The following ASIC2 variants were observed in gnomAD, a reference collection of about 807,000 sequenced individuals.
ASIC2 encodes acid sensing ion channel subunit 2, also known as acid-sensing ion channel 2.
In ASIC2, 25 loss-of-function variants were observed where a neutral mutation model predicts 57.3. That is an observed-to-expected ratio of 0.44 (90% confidence interval 0.32 to 0.61). The LOEUF is 0.61. ASIC2 is among the 20% of genes least tolerant of loss of function. The probability of loss-of-function intolerance (pLI) is 0.06; values close to 1 mark genes in which losing one functional copy is unlikely to be tolerated. For synonymous variants in ASIC2, 319 were observed against 307.5 expected, an observed-to-expected ratio of 1.04 and a Z score of -0.39; for missense variants, 641 against 738.1, an observed-to-expected ratio of 0.87 and a Z score of 1.52.
chr17:33,076,314 G>C (rs1169822066), intron 3 of ASIC2, among the ~76,000 whole-genome samples: 1 of 152,236 alleles, frequency 6.6e-6, no homozygotes, highest in South Asian at 2.1e-4. Context: ...GGGCAGTCCG[G>C]GTAGGAGGCT....
At chr17:33,240,679 G>A (rs934673076) in intron 1 of ASIC2, among the ~76,000 whole-genome samples, 3 of 152,194 alleles carry the variant, frequency 2.0e-5, no homozygotes, top group African/African-American at 4.8e-5. Flanking sequence ...CAGGCAGCCA[G>A]GAGCGGGAAG....
At chr17:33,856,073 A>G (rs402256) in intron 1 of ASIC2, among the ~76,000 whole-genome samples, 113,790 of 152,094 alleles carry the variant, frequency 0.75, 42,899 homozygotes, top group East Asian at 0.98. Flanking sequence ...GCAATGAACT[A>G]TATGCATTAC....
intron 1 of ASIC2, among the ~76,000 whole-genome samples, chr17:33,602,902 T>G (rs1181787204): frequency 6.6e-6 from 1 of 152,212 alleles, no homozygotes; most frequent in African/African-American, 2.4e-5. Context: ...TTTTCCTCAG[T>G]GTTTTATCCT....
intron 1 of ASIC2, among the ~76,000 whole-genome samples, chr17:33,930,110 G>A (rs945373763): frequency 6.6e-6 from 1 of 152,238 alleles, no homozygotes; most frequent in Non-Finnish European, 1.5e-5. Flanking sequence ...TTTGCAGCAA[G>A]TAATAGTAAT....
chr17:33,943,469 C>T (rs1053686531), intron 1 of ASIC2, among the ~76,000 whole-genome samples: 1 of 152,156 alleles, frequency 6.6e-6, no homozygotes, highest in Non-Finnish European at 1.5e-5. Context: ...GCCCTCCCTC[C>T]ATTTCATCCT....
At chr17:33,910,658 C>G (rs1463192041) in intron 1 of ASIC2, among the ~76,000 whole-genome samples, 1 of 152,184 alleles carries the variant, frequency 6.6e-6, no homozygotes, top group African/African-American at 2.4e-5. Flanking sequence ...TCATCACTGC[C>G]TGTCTAGTGA....
intron 1 of ASIC2, among the ~76,000 whole-genome samples, chr17:33,880,528 A>G (rs1914672523): frequency 6.6e-6 from 1 of 152,234 alleles, no homozygotes; most frequent in African/African-American, 2.4e-5. Context: ...AAATTCCTCA[A>G]CACATACACC....
chr17:33,298,346 T>G (rs1034857929), intron 1 of ASIC2, among the ~76,000 whole-genome samples: 4 of 151,996 alleles, frequency 2.6e-5, no homozygotes, highest in African/African-American at 7.2e-5. Context: ...GAACATGCGG[T>G]GTTTGGTTTT....
chr17:34,061,497 TGATGAAA>T (rs1334841448), intron 1 of ASIC2, among the ~76,000 whole-genome samples: 1 of 152,116 alleles, frequency 6.6e-6, no homozygotes, highest in Non-Finnish European at 1.5e-5. Context: ...ACAAAGAGCA[TGATGAAA>T]GCAACGGTAC....
At chr17:34,011,821 C>T (rs1258994269) in intron 1 of ASIC2, among the ~76,000 whole-genome samples, 1 of 152,206 alleles carries the variant, frequency 6.6e-6, no homozygotes, top group Non-Finnish European at 1.5e-5. Flanking sequence ...CACCCCACTC[C>T]CCGCCCCTTC....
At chr17:34,032,191 G>A (rs1213523807) in intron 1 of ASIC2, among the ~76,000 whole-genome samples, 1 of 152,212 alleles carries the variant, frequency 6.6e-6, no homozygotes, top group Non-Finnish European at 1.5e-5. Context: ...AGCCAGAAGA[G>A]AGTGGGGGCC....
At chr17:33,260,203 T>C (rs1909227802) in intron 1 of ASIC2, among the ~76,000 whole-genome samples, 1 of 152,206 alleles carries the variant, frequency 6.6e-6, no homozygotes, top group African/African-American at 2.4e-5. Context: ...GGCAGATCTG[T>C]GGATAAAGCC....
At chr17:34,105,298 A>G (rs1317535574) in intron 1 of ASIC2, among the ~76,000 whole-genome samples, 1 of 151,646 alleles carries the variant, frequency 6.6e-6, no homozygotes, top group Non-Finnish European at 1.5e-5. Flanking sequence ...AATGATATTC[A>G]TTTCTTAATT....
chr17:33,125,729 AAT>A (rs1345640629), intron 1 of ASIC2, among the ~76,000 whole-genome samples: 4 of 152,252 alleles, frequency 2.6e-5, no homozygotes, highest in African/African-American at 9.6e-5. Flanking sequence ...TCTTCAGCGT[AAT>A]TGCATAAAGC....
At chr17:33,046,868 G>A (rs2091957507) in intron 3 of ASIC2, among the ~76,000 whole-genome samples, 1 of 152,252 alleles carries the variant, frequency 6.6e-6, no homozygotes, top group Non-Finnish European at 1.5e-5. Context: ...AGGCCGGGCA[G>A]AGTCGTCAGA....
intron 1 of ASIC2, among the ~76,000 whole-genome samples, chr17:33,893,882 C>A (rs927470526): frequency 1.2e-4 from 18 of 152,194 alleles, no homozygotes; most frequent in African/African-American, 4.3e-4. Flanking sequence ...TAAAACCATG[C>A]TAATTGGTGA....
chr17:33,774,853 G>A (rs1247801596), intron 1 of ASIC2, among the ~76,000 whole-genome samples: 1 of 152,176 alleles, frequency 6.6e-6, no homozygotes, highest in Non-Finnish European at 1.5e-5. Flanking sequence ...TCAGCCATAG[G>A]ATAATTCAGC....
At chr17:33,512,910 C>T (rs2141950279) in intron 1 of ASIC2, among the ~76,000 whole-genome samples, 1 of 152,338 alleles carries the variant, frequency 6.6e-6, no homozygotes. Flanking sequence ...GCCCCAGACT[C>T]TGTGCAAACT....
At chr17:33,323,513 G>A (rs1313285808) in intron 1 of ASIC2, among the ~76,000 whole-genome samples, 1 of 152,202 alleles carries the variant, frequency 6.6e-6, no homozygotes, top group African/African-American at 2.4e-5. Flanking sequence ...AGGAGTTCAA[G>A]ACCAACCTGG....
Sources: gnomAD v4.1 joint callset for allele counts (sites outside exome capture counted in the v4.1 genomes callset) on GRCh38, gnomAD v4.1.1 for gene constraint, MANE v1.5 for transcripts, NCBI Gene and HGNC (gene_info 2026-07-23, HGNC 2026-07-21) for gene names.